The following MIB1 variants were observed in gnomAD, a reference collection of about 807,000 sequenced individuals.
MIB1 encodes the protein E3 ubiquitin-protein ligase MIB1.
In MIB1, 278 loss-of-function variants were observed where a neutral mutation model predicts 124.5. That is an observed-to-expected ratio of 2.23 (90% CI 2.02 to 2.47). The LOEUF is 2.47. Among genes scored for constraint, MIB1 ranks in the 30% most tolerant of loss-of-function variants. MIB1 has a pLI of 0.00. For synonymous variants in MIB1, 446 were observed against 429.4 expected (o/e 1.04, Z -0.48); for missense variants, 957 against 1,254.4 (o/e 0.76, Z 3.58).
At chr18:21,815,882 T>A in intron 11 of MIB1, 69 bp downstream of exon 11, 1 of 1,358,016 alleles carries the variant, frequency 7.4e-7, no homozygotes, top group East Asian at 2.3e-5. Context: ...CATTAAGTTC[T>A]ATGGTAAGCA....
chr18:21,725,094 C>CA (rs1218383555), intron 1 of MIB1, among the ~76,000 whole-genome samples: 1,519 of 43,186 alleles, frequency 0.035, 38 homozygotes, highest in African/African-American at 0.052. Flanking sequence ...GACTCTGTCT[C>CA]AAAAAAAAAA....
intron 10 of MIB1, among the ~76,000 whole-genome samples, chr18:21,814,958 G>A (rs1185716696): frequency 1.5e-5 from 2 of 132,236 alleles, no homozygotes; most frequent in Non-Finnish European, 3.1e-5. Flanking sequence ...AAAAAAATTG[G>A]CTTACCATCA....
At chr18:21,724,532 C>T (rs1353156156) in intron 1 of MIB1, among the ~76,000 whole-genome samples, 2 of 148,850 alleles carry the variant, frequency 1.3e-5, no homozygotes, top group African/African-American at 5.0e-5. Context: ...TGGTGAAACC[C>T]CATCTCTACT....
chr18:21,815,644 A>C lies in MIB1; in HGVS notation c.1508A>C (p.His503Pro), dbSNP rs766436911. The C allele has an allele frequency of 6.2e-7, 1 of 1,614,182 alleles. No homozygotes were observed. Among genetic ancestry groups the C allele is most frequent in the Non-Finnish European group, 8.5e-7 (1 of 1,180,006 alleles). ...EDKDGDRAVHHAAFGDEGAVI... is the reference protein window; with the variant it reads ...EDKDGDRAVHPAAFGDEGAVI... ...AAAGATGGTGATAGAGCAGTTCACC[A>C]TGCAGCTTTTGGAGATGAAGGCGCT... The change falls in exon 11 of 21, where the codon CAT (histidine) becomes CCT (proline). Residue 503 changes from histidine to proline, a missense_variant. Coordinates refer to ENST00000261537, the MANE Select transcript of MIB1 (RefSeq NM_020774.4).
intron 6 of MIB1, among the ~76,000 whole-genome samples, chr18:21,783,510 TG>T (rs2041396424): frequency 6.6e-6 from 1 of 152,172 alleles, no homozygotes; most frequent in Non-Finnish European, 1.5e-5. Context: ...CCCAAAGTAC[TG>T]GGATTACAGG....
intron 20 of MIB1, 42 bp from the exon 21 acceptor site, chr18:21,864,484 T>C: frequency 6.7e-7 from 1 of 1,497,086 alleles, no homozygotes; most frequent in Non-Finnish European, 9.2e-7. Flanking sequence ...ACTTTCCAAA[T>C]ATAAAGTGTC....
In MIB1 at chr18:21,836,509, C is replaced by T. The variant is rs542432778; in HGVS notation, c.1830-1856C>T. 7.9e-5 allele frequency among the ~76,000 whole-genome samples: 12 copies of T among 152,028 alleles called. No homozygotes were observed. The South Asian group carries it at 2.1e-3, about 26-fold the overall frequency. On this transcript the variant is annotated intron_variant, in intron 12 of 20. Coordinates refer to ENST00000261537, the MANE Select transcript of MIB1 (RefSeq NM_020774.4). ...CCTCCTTACCCCTTTTTTGTCCCGA[C>T]CAACAACTTGGAACTTATCCTGTAA...
At chr18:21,767,063 G>T (rs1169072144) in intron 2 of MIB1, among the ~76,000 whole-genome samples, 1 of 152,134 alleles carries the variant, frequency 6.6e-6, no homozygotes, top group Non-Finnish European at 1.5e-5. Context: ...ATAATCTTCT[G>T]TAAGTATGTA....
chr18:21,837,865 G>C (rs1040342654), intron 12 of MIB1, among the ~76,000 whole-genome samples: 2 of 152,128 alleles, frequency 1.3e-5, no homozygotes, highest in Admixed American at 6.6e-5. Flanking sequence ...CATATATAGT[G>C]TATTAATTAT....
In MIB1 at chr18:21,741,134, G is replaced by C. The variant is rs1412730693; in HGVS notation, c.-450G>C. 1.3e-5 allele frequency among the ~76,000 whole-genome samples: 2 copies of C among 152,060 alleles called. No homozygotes were observed. The highest frequency in any genetic ancestry group is 1.3e-4 in the Admixed American group (2 of 15,276). The stretch of plus-strand genomic sequence containing the variant: ...GTGCCCGCCCCCGAGCGAGGGGCCG[G>C]GGTGGCAGAAAGGCCGGCAGTTAAG... On this transcript the variant is annotated 5_prime_UTR_variant, in exon 1 of 21. Transcript: ENST00000261537. This position sits in a 1 kb window ranked among gnomAD's most constrained non-coding sequence, Gnocchi z 5.4.
intron 1 of MIB1, among the ~76,000 whole-genome samples, chr18:21,711,760 T>TCC (rs2040666642): frequency 6.6e-6 from 1 of 152,130 alleles, no homozygotes; most frequent in Non-Finnish European, 1.5e-5. Flanking sequence ...ATGGTGTGAT[T>TCC]ATGGCTTACT....
At chr18:21,755,489 G>A (rs538046327) in intron 1 of MIB1, among the ~76,000 whole-genome samples, 4 of 152,140 alleles carry the variant, frequency 2.6e-5, no homozygotes, top group East Asian at 1.9e-4. Context: ...GTACCACCAC[G>A]CCCAGCTAAT....
At chr18:21,795,349 TATAA>T (rs2146448536) in intron 7 of MIB1, among the ~76,000 whole-genome samples, 1 of 143,566 alleles carries the variant, frequency 7.0e-6, no homozygotes, top group South Asian at 2.1e-4. Flanking sequence ...ATATATAATA[TATAA>T]ATAATACATA....
chr18:21,799,928 G>T lies in MIB1; in HGVS notation c.1325G>T (p.Gly442Val). The T allele has an allele frequency of 6.2e-7, 1 of 1,612,350 alleles. No individual in the cohort carries two copies. Among genetic ancestry groups the T allele is most frequent in the Non-Finnish European group, 8.5e-7 (1 of 1,178,804 alleles). ...NEELVKAAANGDVAKVEDLLK... is the reference protein window; with the variant it reads ...NEELVKAAANVDVAKVEDLLK... ...GAATTAGTTAAGGCTGCTGCCAATG[G>T]AGATGTTGCTAAAGTGGAAGATTTG... Residue 442 changes from glycine (G) to valine (V), a missense_variant, in exon 9 of 21, where the codon GGA becomes GTA. Gly to Val is a moderately radical substitution (Grantham distance 109). Transcript: ENST00000261537.
At chr18:21,827,061 T>G (rs2041931420) in intron 12 of MIB1, 1 of 152,094 alleles carries the variant, frequency 6.6e-6, no homozygotes, top group South Asian at 2.1e-4. Context: ...CAGTTCAGTT[T>G]CATATACTGG....
At chr18:21,789,798 A>T (rs1451021884) in intron 6 of MIB1, among the ~76,000 whole-genome samples, 1 of 152,160 alleles carries the variant, frequency 6.6e-6, no homozygotes, top group Non-Finnish European at 1.5e-5. Flanking sequence ...AACAAAGAAC[A>T]GTTTACTTGT....
At chr18:21,798,283 G>A in intron 8 of MIB1, 55 bp downstream of exon 8, 3 of 1,554,014 alleles carry the variant, frequency 1.9e-6, no homozygotes, top group Admixed American at 1.7e-5. Context: ...TAAAACCTTT[G>A]CTAATTCCCC....
At chr18:21,712,287 G>T (rs2040669197) in intron 1 of MIB1, among the ~76,000 whole-genome samples, 1 of 152,098 alleles carries the variant, frequency 6.6e-6, no homozygotes, top group Admixed American at 6.5e-5. Flanking sequence ...GAGAATGTGT[G>T]GTAGGCAGAC....
intron 1 of MIB1, among the ~76,000 whole-genome samples, chr18:21,752,786 G>A (rs2040990077): frequency 6.6e-6 from 1 of 152,220 alleles, no homozygotes; most frequent in African/African-American, 2.4e-5. Flanking sequence ...CATCTTCCAG[G>A]TGTATGTTCA....
Sources: gnomAD v4.1 joint callset for allele counts (sites outside exome capture counted in the v4.1 genomes callset) on GRCh38, gnomAD v4.1.1 for gene constraint, Gnocchi (gnomAD v3.1) non-coding constraint, MANE v1.5 for transcripts, NCBI Gene and HGNC (gene_info 2026-07-23, HGNC 2026-07-21) for gene names.